Variants in SNCAIP observed in about 807,000 individuals in gnomAD.
SNCAIP encodes the protein synuclein alpha interacting protein.
SNCAIP carries 43 observed loss-of-function variants against 86.7 expected under a neutral mutation model. The observed-to-expected ratio is 0.50, with a 90% CI of 0.39 to 0.64. The LOEUF (loss-of-function observed/expected upper bound fraction) is 0.64, where lower values mean the gene tolerates loss of function less well. SNCAIP is among the 30% of genes least tolerant of loss of function. The pLI, the probability that SNCAIP is intolerant of heterozygous loss-of-function variation, is 0.00. For missense variants in SNCAIP, 981 were observed against 1,103.1 expected, an observed-to-expected ratio of 0.89 and a Z score of 1.57; for synonymous variants, 417 against 427.2, an observed-to-expected ratio of 0.98 and a Z score of 0.29.
intron 10 of SNCAIP, among the ~76,000 whole-genome samples, chr5:122,457,807 TC>T (rs1785141182): frequency 6.6e-6 from 1 of 152,230 alleles, no homozygotes; most frequent in Non-Finnish European, 1.5e-5. Flanking sequence ...AAGCGACAGT[TC>T]CTTCTTTCAA....
chr5:122,336,207 T>C (rs1756432019), intron 1 of SNCAIP, among the ~76,000 whole-genome samples: 2 of 152,088 alleles, frequency 1.3e-5, no homozygotes, highest in South Asian at 4.1e-4. Flanking sequence ...AGAGAGAGTG[T>C]GTAACAGATA....
intron 1 of SNCAIP, among the ~76,000 whole-genome samples, chr5:122,332,477 G>A (rs1341273423): frequency 6.6e-6 from 1 of 152,222 alleles, no homozygotes; most frequent in African/African-American, 2.4e-5. Flanking sequence ...GGATACAGGT[G>A]AAGGCGGGCA....
At position 122,315,530 on chromosome 5, in the gene SNCAIP, T is replaced by C. The variant is rs1751525706; in HGVS notation, c.-47+3246T>C. On this transcript the variant is annotated intron_variant, in intron 1 of 10. Coordinates refer to ENST00000261368, the MANE Select transcript of SNCAIP (RefSeq NM_005460.4). ...ATGATGAGAAGGAGCTGCAAAAAAT[T>C]AGAGCCAGTTTTTGTGATCTACTAC... Among the ~76,000 whole-genome samples, 2 of 152,182 alleles carry C rather than the reference T, an allele frequency of 1.3e-5. 1 individual carries two copies. Among genetic ancestry groups the C allele is most frequent in the South Asian group, 4.1e-4 (2 of 4,832 alleles).
At chr5:122,406,288 T>A (rs958157278) in intron 3 of SNCAIP, among the ~76,000 whole-genome samples, 1 of 152,164 alleles carries the variant, frequency 6.6e-6, no homozygotes, top group Non-Finnish European at 1.5e-5. Flanking sequence ...TTCTTGTAAA[T>A]CAGCCACATA....
At chr5:122,425,801 A>G (rs1038238853) in intron 5 of SNCAIP, among the ~76,000 whole-genome samples, 4 of 152,220 alleles carry the variant, frequency 2.6e-5, no homozygotes, top group African/African-American at 4.8e-5. Flanking sequence ...AGGGATTGCA[A>G]TTAAGCTTCT....
At chr5:122,439,850 G>T (rs896275646) in intron 6 of SNCAIP, among the ~76,000 whole-genome samples, 1 of 151,962 alleles carries the variant, frequency 6.6e-6, no homozygotes. Context: ...TTCTCCAAAG[G>T]CCAAGCATAA....
intron 5 of SNCAIP, among the ~76,000 whole-genome samples, chr5:122,428,568 G>GT (rs140531370): frequency 0.22 from 31,373 of 144,712 alleles, 3,799 homozygotes; most frequent in South Asian, 0.32. Context: ...GTCTCAATAA[G>GT]TTTTTTTTTT....
chr5:122,423,367 T>C lies in SNCAIP; in HGVS notation c.630T>C (p.Leu210=). Residue 210 remains leucine (L), a synonymous_variant, in exon 4 of 11, where the codon CTT becomes CTC. Coordinates refer to ENST00000261368, the MANE Select transcript of SNCAIP (RefSeq NM_005460.4). ...SSSNMAPFCV[L]SPVKSPHLRK... is the part of the protein sequence containing the mutation. ...CCAACATGGCACCATTTTGTGTTCT[T>C]TCTCCCGTGAAAAGCCCTCACTTGA... 6.2e-7 allele frequency: 1 copy of C among 1,613,692 alleles called. No individual in the cohort carries two copies. The highest frequency in any genetic ancestry group is 8.5e-7 in the Non-Finnish European group (1 of 1,179,738).
intron 1 of SNCAIP, among the ~76,000 whole-genome samples, chr5:122,320,432 T>C (rs2152666639): frequency 6.6e-6 from 1 of 152,282 alleles, no homozygotes; most frequent in Admixed American, 6.5e-5. Flanking sequence ...CAGATGTGGG[T>C]CCTGAGCTCA....
intron 1 of SNCAIP, among the ~76,000 whole-genome samples, chr5:122,348,084 C>A (rs1758983325): frequency 6.6e-6 from 1 of 152,036 alleles, no homozygotes; most frequent in African/African-American, 2.4e-5. Flanking sequence ...TTTCAATTTT[C>A]CTCAAAGCAT....
At chr5:122,372,206 A>C (rs1764411513) in intron 1 of SNCAIP, among the ~76,000 whole-genome samples, 1 of 152,112 alleles carries the variant, frequency 6.6e-6, no homozygotes, top group Non-Finnish European at 1.5e-5. Context: ...ACATCAGCTA[A>C]TTTCTTATTC....
chr5:122,314,359 A>G lies in SNCAIP; in HGVS notation c.-47+2075A>G, dbSNP rs557465933. ...AGGAAATCTCCCAAGGAGCAGGTGCATCATTATAGGAAACACAAGGGAATT... is the reference window on the plus strand; with the variant it reads ...AGGAAATCTCCCAAGGAGCAGGTGCGTCATTATAGGAAACACAAGGGAATT... On this transcript the variant is annotated intron_variant, in intron 1 of 10. Coordinates refer to ENST00000261368, the MANE Select transcript of SNCAIP (RefSeq NM_005460.4). 2.2e-4 allele frequency among the ~76,000 whole-genome samples: 33 copies of G among 152,248 alleles called. 1 individual carries two copies. Among genetic ancestry groups the G allele is most frequent in the Non-Finnish European group, 1.3e-4 (9 of 68,040 alleles).
At chr5:122,383,219 C>G (rs539130279) in intron 1 of SNCAIP, among the ~76,000 whole-genome samples, 5 of 152,354 alleles carry the variant, frequency 3.3e-5, no homozygotes, top group South Asian at 2.1e-4. Flanking sequence ...ACCCTCCGAG[C>G]CAGGTGCGGG....
At chr5:122,427,516 C>G (rs1777607353) in intron 5 of SNCAIP, among the ~76,000 whole-genome samples, 1 of 152,016 alleles carries the variant, frequency 6.6e-6, no homozygotes, top group Non-Finnish European at 1.5e-5. Context: ...CTAGAATTTA[C>G]AAAAGCAGTA....
chr5:122,385,308 C>T (rs1007340369), intron 1 of SNCAIP, among the ~76,000 whole-genome samples: 3 of 152,206 alleles, frequency 2.0e-5, no homozygotes, highest in Admixed American at 2.0e-4. Flanking sequence ...GTCCACAGGG[C>T]TTGTGCTTTT....
intron 10 of SNCAIP, among the ~76,000 whole-genome samples, chr5:122,453,718 A>G (rs906828726): frequency 1.3e-5 from 2 of 151,970 alleles, no homozygotes; most frequent in African/African-American, 4.8e-5. Context: ...GGTTTACTTC[A>G]GAAGAGTTAC....
At chr5:122,343,249 T>C (rs1757948410) in intron 1 of SNCAIP, among the ~76,000 whole-genome samples, 2 of 152,344 alleles carry the variant, frequency 1.3e-5, no homozygotes, top group South Asian at 2.1e-4. Context: ...CTCGTGGAGC[T>C]GAACTGTTGC....
Position 122,425,393 on chromosome 5 carries a change from A to G in SNCAIP, c.1044A>G (p.Glu348=), listed in dbSNP as rs762088625. The G allele has an allele frequency of 6.8e-6, 11 of 1,614,134 alleles. No individual in the cohort carries two copies. The highest frequency in any genetic ancestry group is 9.3e-6 in the Non-Finnish European group (11 of 1,179,962). The change falls in exon 5 of 11, where the codon GAA becomes GAG. Residue 348 remains glutamate, a synonymous_variant. Transcript: ENST00000261368. ...AADNLDKIHD[E]NGNNLLHIAA... ...ACAATCTAGACAAAATTCACGACGA[A>G]AATGGAAACAATCTATTACATATTG...
chr5:122,331,014 G>T (rs370016177), intron 1 of SNCAIP, among the ~76,000 whole-genome samples: 3 of 151,926 alleles, frequency 2.0e-5, no homozygotes, highest in Non-Finnish European at 4.4e-5. Flanking sequence ...TGTGCAGTTC[G>T]CAATAGGATT....
Sources: gnomAD v4.1 joint callset for allele counts (sites outside exome capture counted in the v4.1 genomes callset) on GRCh38, gnomAD v4.1.1 for gene constraint, MANE v1.5 for transcripts, NCBI Gene and HGNC (gene_info 2026-07-23, HGNC 2026-07-21) for gene names.